Variants in NRXN1 observed in about 807,000 individuals in gnomAD.
NRXN1 encodes the protein neurexin 1.
In NRXN1, 39 loss-of-function variants were observed where a neutral mutation model predicts 150.9. That is an observed-to-expected ratio of 0.26 (90% CI 0.20 to 0.34). The LOEUF (loss-of-function observed/expected upper bound fraction) is 0.34. Among genes scored for constraint, NRXN1 ranks in the 10% least tolerant of loss-of-function variants. The probability of loss-of-function intolerance (pLI) is 1.00; values close to 1 mark genes in which losing one functional copy is unlikely to be tolerated. For synonymous variants in NRXN1, 924 were observed against 757.0 expected (o/e 1.22, Z -3.62); for missense variants, 1,815 against 1,949.9 (o/e 0.93, Z 1.30).
In NRXN1 at chr2:50,065,001, G is replaced by T. The variant is rs562727202; in HGVS notation, c.3719-9957C>A. On this transcript the variant is annotated intron_variant, in intron 19 of 22. Coordinates refer to ENST00000401669, the MANE Select transcript of NRXN1 (RefSeq NM_001330078.2). ...CTACCAGAATCAAAGGATGGTTTTT[G>T]TCAGACAGCAGGACTAGACCAGACA... Among the ~76,000 whole-genome samples, 174 of 152,204 alleles carry T rather than the reference G, an allele frequency of 1.1e-3. 1 individual carries two copies. Among genetic ancestry groups the T allele is most frequent in the African/African-American group, 4.1e-3 (171 of 41,554 alleles).
At chr2:50,076,178 G>A (rs1363343664) in intron 19 of NRXN1, among the ~76,000 whole-genome samples, 2 of 152,138 alleles carry the variant, frequency 1.3e-5, no homozygotes, top group Admixed American at 1.3e-4. Context: ...GACAGAAGCG[G>A]TACTGCACTT....
chr2:50,062,516 T>C (rs1694702286), intron 19 of NRXN1, among the ~76,000 whole-genome samples: 1 of 152,162 alleles, frequency 6.6e-6, no homozygotes, highest in African/African-American at 2.4e-5. Context: ...AAATACCATG[T>C]AACAATATTT....
intron 5 of NRXN1, among the ~76,000 whole-genome samples, chr2:50,742,266 T>A (rs915769364): frequency 6.6e-6 from 1 of 151,664 alleles, no homozygotes; most frequent in Non-Finnish European, 1.5e-5. Context: ...TATTTACATA[T>A]ATATATATAT....
chr2:50,704,533 T>C (rs768308805), intron 5 of NRXN1, among the ~76,000 whole-genome samples: 3 of 151,732 alleles, frequency 2.0e-5, no homozygotes, highest in African/African-American at 4.8e-5. Flanking sequence ...TGATAAATAA[T>C]GGTTTCATTT....
chr2:50,243,337 GAAC>G (rs1298728738), intron 17 of NRXN1, among the ~76,000 whole-genome samples: 2 of 151,584 alleles, frequency 1.3e-5, no homozygotes, highest in Admixed American at 1.3e-4. Context: ...TGAAAAAAGA[GAAC>G]AATGGGAAGT....
chr2:49,977,894 G>A (rs757314623), intron 21 of NRXN1, among the ~76,000 whole-genome samples: 1 of 152,094 alleles, frequency 6.6e-6, no homozygotes, highest in African/African-American at 2.4e-5. Context: ...GTAGCGGGGC[G>A]GTGGCTCACC....
At chr2:50,966,370 T>G (rs1156339890) in intron 2 of NRXN1, among the ~76,000 whole-genome samples, 1 of 151,424 alleles carries the variant, frequency 6.6e-6, no homozygotes, top group African/African-American at 2.4e-5. Context: ...TAATAACATC[T>G]ACAATTAATA....
intron 17 of NRXN1, among the ~76,000 whole-genome samples, chr2:50,295,255 T>C (rs1192637631): frequency 1.3e-5 from 2 of 152,200 alleles, no homozygotes; most frequent in Non-Finnish European, 2.9e-5. Flanking sequence ...CATCTTTATA[T>C]CTACATCTTT....
At chr2:50,843,047 C>A (rs1335713938) in intron 5 of NRXN1, among the ~76,000 whole-genome samples, 1 of 152,090 alleles carries the variant, frequency 6.6e-6, no homozygotes, top group Admixed American at 6.5e-5. Context: ...GTGTATAGTA[C>A]TCATTATCGC....
chr2:50,238,334 C>A (rs971440347), intron 17 of NRXN1, among the ~76,000 whole-genome samples: 1 of 151,958 alleles, frequency 6.6e-6, no homozygotes, highest in Non-Finnish European at 1.5e-5. Flanking sequence ...TGTTCTCATG[C>A]CTTCAAACCT....
intron 22 of NRXN1, among the ~76,000 whole-genome samples, chr2:49,924,232 C>G (rs552013707): frequency 6.6e-6 from 1 of 152,192 alleles, no homozygotes; most frequent in African/African-American, 2.4e-5. Flanking sequence ...TTTTTTCCAG[C>G]CTGATGGAAT....
At chr2:51,004,658 A>C (rs1008940934) in intron 2 of NRXN1, among the ~76,000 whole-genome samples, 2 of 148,082 alleles carry the variant, frequency 1.4e-5, no homozygotes, top group Admixed American at 6.8e-5. Context: ...TAAATAAATA[A>C]ACAAATAAAC....
chr2:50,609,294 G>A (rs1030702186), intron 8 of NRXN1, among the ~76,000 whole-genome samples: 1 of 152,052 alleles, frequency 6.6e-6, no homozygotes, highest in African/African-American at 2.4e-5. Context: ...GAAGCCCTCT[G>A]TTCAAAAGTT....
intron 17 of NRXN1, among the ~76,000 whole-genome samples, chr2:50,424,706 T>G (rs2084339768): frequency 6.6e-6 from 1 of 152,178 alleles, no homozygotes; most frequent in African/African-American, 2.4e-5. Context: ...TAGGCTAAGC[T>G]TTGTAAAGAA....
intron 8 of NRXN1, among the ~76,000 whole-genome samples, chr2:50,601,882 C>T (rs897468067): frequency 6.6e-6 from 1 of 152,066 alleles, no homozygotes; most frequent in Admixed American, 6.6e-5. Context: ...AGACACAAAC[C>T]GGTGTTATCA....
chr2:50,958,250 C>T (rs1575055124), intron 2 of NRXN1, among the ~76,000 whole-genome samples: 1 of 152,172 alleles, frequency 6.6e-6, no homozygotes, highest in East Asian at 1.9e-4. Context: ...AAACTCCTTG[C>T]TTTGGAGCTC....
intron 21 of NRXN1, among the ~76,000 whole-genome samples, chr2:50,028,632 C>G (rs1688737747): frequency 1.3e-5 from 2 of 152,238 alleles, no homozygotes; most frequent in South Asian, 4.1e-4. Context: ...CTGCACATTG[C>G]TCAGGCTAAG....
At position 50,447,479 on chromosome 2, in the gene NRXN1, C is replaced by CAA. The variant is rs35878890; in HGVS notation, c.3364+17961_3364+17962dup. Among the ~76,000 whole-genome samples the CAA allele has an allele frequency of 8.0e-4, 31 of 38,554 alleles. 1 individual carries two copies. Among genetic ancestry groups the CAA allele is most frequent in the Non-Finnish European group, 1.2e-3 (27 of 21,922 alleles). The allele number at this position is 38,554 out of a possible 152,430, so 25.3% of individuals were successfully genotyped here. On this transcript the variant is annotated intron_variant, in intron 17 of 22. Coordinates refer to ENST00000401669, the MANE Select transcript of NRXN1 (RefSeq NM_001330078.2). ...TGGGTGACAGAGTGAGACTCTGTCT[C>CAA]AAAAAAAAAAAAAAAAAAAAAAAAA...
intron 5 of NRXN1, among the ~76,000 whole-genome samples, chr2:50,850,599 C>G (rs1388238073): frequency 6.6e-6 from 1 of 152,040 alleles, no homozygotes; most frequent in East Asian, 1.9e-4. Context: ...TTAAAGATGC[C>G]CTTTTAATCT....
Sources: allele counts gnomAD v4.1 joint callset (sites outside exome capture counted in the v4.1 genomes callset), GRCh38; gene constraint gnomAD v4.1.1; transcripts MANE v1.5; gene names NCBI Gene and HGNC (gene_info 2026-07-23, HGNC 2026-07-21).